The following GABBR2 variants were observed in gnomAD, a reference collection of about 807,000 sequenced individuals.
GABBR2 encodes gamma-aminobutyric acid type B receptor subunit 2.
A neutral mutation model predicts 105.6 loss-of-function variants in GABBR2; 23 were observed. The ratio of observed to expected loss-of-function variants is 0.22; its 90% confidence interval spans 0.16 to 0.31. GABBR2 has a LOEUF of 0.31. Among genes scored for constraint, GABBR2 ranks in the 10% least tolerant of loss-of-function variants. GABBR2 has a pLI of 1.00. For synonymous variants in GABBR2, 478 were observed against 499.7 expected, an observed-to-expected ratio of 0.96 and a Z score of 0.58; for missense variants, 734 against 1,245.5, an observed-to-expected ratio of 0.59 and a Z score of 6.18.
At chr9:98,621,419 C>T (rs1829668854) in intron 1 of GABBR2, among the ~76,000 whole-genome samples, 1 of 152,204 alleles carries the variant, frequency 6.6e-6, no homozygotes, top group Admixed American at 6.5e-5. Flanking sequence ...TCTGGACAGA[C>T]TTTGTGACTC....
chr9:98,708,312 G>T, intron 1 of GABBR2, 105 bp downstream of exon 1: 1 of 1,173,388 alleles, frequency 8.5e-7, no homozygotes, highest in African/African-American at 1.6e-5. Flanking sequence ...GCAGGCGCGG[G>T]CCGGTCAATC....
chr9:98,383,871 T>G (rs1461759479), intron 11 of GABBR2, among the ~76,000 whole-genome samples: 2 of 152,154 alleles, frequency 1.3e-5, no homozygotes, highest in Non-Finnish European at 2.9e-5. Flanking sequence ...CCTCAAAATC[T>G]GGGGTGTGAG....
intron 1 of GABBR2, among the ~76,000 whole-genome samples, chr9:98,681,466 T>C (rs973010925): frequency 1.4e-5 from 2 of 146,630 alleles, no homozygotes; most frequent in Non-Finnish European, 3.0e-5. Flanking sequence ...AGGGATAGCA[T>C]TGGGAGATAT....
At chr9:98,352,307 T>G (rs1831412938) in intron 13 of GABBR2, among the ~76,000 whole-genome samples, 1 of 152,076 alleles carries the variant, frequency 6.6e-6, no homozygotes. Flanking sequence ...GTGTCAATGG[T>G]GGGCCTAGGT....
intron 1 of GABBR2, among the ~76,000 whole-genome samples, chr9:98,634,198 G>C (rs1429654640): frequency 2.0e-5 from 3 of 152,156 alleles, no homozygotes; most frequent in Non-Finnish European, 2.9e-5. Context: ...CCCGACTTTG[G>C]GCCCTACTTC....
chr9:98,643,839 G>T (rs1829998647), intron 1 of GABBR2, among the ~76,000 whole-genome samples: 1 of 152,174 alleles, frequency 6.6e-6, no homozygotes, highest in Non-Finnish European at 1.5e-5. Flanking sequence ...ACTGCTAACT[G>T]CCATGTTGCC....
chr9:98,389,091 C>G, intron 9 of GABBR2, 87 bp from the exon 10 acceptor site: 1 of 1,197,156 alleles, frequency 8.4e-7, no homozygotes, highest in Admixed American at 2.0e-5. Context: ...GACATCCAGC[C>G]AGGCCCTGCG....
At chr9:98,369,978 G>C (rs1831749795) in intron 12 of GABBR2, among the ~76,000 whole-genome samples, 1 of 152,088 alleles carries the variant, frequency 6.6e-6, no homozygotes, top group Non-Finnish European at 1.5e-5. Context: ...GGCTTGATAG[G>C]AGTCTTTGCA....
intron 4 of GABBR2, among the ~76,000 whole-genome samples, chr9:98,489,113 T>C (rs1827121579): frequency 6.6e-6 from 1 of 152,224 alleles, no homozygotes; most frequent in Admixed American, 6.5e-5. Flanking sequence ...GGTAAATGAA[T>C]GTGTTCCTAT....
intron 1 of GABBR2, among the ~76,000 whole-genome samples, chr9:98,602,218 A>C (rs1416361874): frequency 6.6e-6 from 1 of 150,948 alleles, no homozygotes. Flanking sequence ...TCACGCTTGT[A>C]ATCCCAGCAC....
chr9:98,487,435 C>T (rs1827081031), intron 4 of GABBR2, among the ~76,000 whole-genome samples: 1 of 152,122 alleles, frequency 6.6e-6, no homozygotes, highest in South Asian at 2.1e-4. Flanking sequence ...GAAGGGCAGT[C>T]CTCTCAAAGC....
Position 98,288,202 on chromosome 9 carries a change from C to T in GABBR2, c.*2382G>A, listed in dbSNP as rs1166444097. On this transcript the variant is annotated 3_prime_UTR_variant, in exon 19 of 19. Coordinates refer to ENST00000259455, the MANE Select transcript of GABBR2 (RefSeq NM_005458.8). ...TCATTTACATTTGATTCTGGCAGTT[C>T]CAGTCTAATTTAAAGCGTTTTGTGC... 1 of 152,566 alleles carries T rather than the reference C, an allele frequency of 6.6e-6. No homozygotes were observed. The highest frequency in any genetic ancestry group is 1.9e-4 in the East Asian group (1 of 5,198). 9.5% of individuals were successfully genotyped at this position (152,566 alleles called of 1,614,324 possible). A position where few individuals can be genotyped will look rare whatever the true frequency, so the allele number is the denominator to read the frequency against.
intron 3 of GABBR2, among the ~76,000 whole-genome samples, chr9:98,517,863 CAGGAGTCAGAAGACCAGTGAGAGTCCAGA>C (rs1827788089): frequency 1.3e-5 from 2 of 151,168 alleles, no homozygotes; most frequent in African/African-American, 4.9e-5. Context: ...GGGAGCCCAG[CAGGAGTCAGAAGACCAGTGAGAGTCCAGA>C]GGGAGTCAGA....
intron 11 of GABBR2, among the ~76,000 whole-genome samples, chr9:98,381,354 C>T (rs112494234): frequency 1.1e-3 from 165 of 152,328 alleles, no homozygotes; most frequent in African/African-American, 3.8e-3. Flanking sequence ...GCCTGCTTCT[C>T]CTTGCAGCTC....
chr9:98,649,159 A>G (rs915169021), intron 1 of GABBR2, among the ~76,000 whole-genome samples: 1 of 152,212 alleles, frequency 6.6e-6, no homozygotes, highest in African/African-American at 2.4e-5. Context: ...AGCTGGGTGA[A>G]TTTGATTTAA....
At chr9:98,578,160 G>A in intron 1 of GABBR2, 88 bp from the exon 2 acceptor site, 1 of 1,435,692 alleles carries the variant, frequency 7.0e-7, no homozygotes, top group Non-Finnish European at 9.6e-7. Context: ...CTTTCCTCAT[G>A]GAAACCTTCT....
chr9:98,695,830 G>A (rs936362245), intron 1 of GABBR2, among the ~76,000 whole-genome samples: 2 of 152,116 alleles, frequency 1.3e-5, no homozygotes, highest in Non-Finnish European at 2.9e-5. Flanking sequence ...TTTCTACAGT[G>A]TCCAGCTGTC....
chr9:98,557,159 T>C (rs1275716779), intron 2 of GABBR2, among the ~76,000 whole-genome samples: 1 of 152,190 alleles, frequency 6.6e-6, no homozygotes, highest in Admixed American at 6.5e-5. Context: ...CCACTTGGCC[T>C]GCTCCCTCTC....
intron 5 of GABBR2, among the ~76,000 whole-genome samples, chr9:98,476,036 C>A (rs764688818): frequency 6.6e-6 from 1 of 152,184 alleles, no homozygotes; most frequent in Non-Finnish European, 1.5e-5. Context: ...CGTACTCCAG[C>A]CTGAGTGACA....
Sources: allele counts gnomAD v4.1 joint callset (sites outside exome capture counted in the v4.1 genomes callset), GRCh38; gene constraint gnomAD v4.1.1; transcripts MANE v1.5; gene names NCBI Gene and HGNC (gene_info 2026-07-23, HGNC 2026-07-21).